MYO5B: variants seen among roughly 807,000 people sequenced by gnomAD.
MYO5B encodes unconventional myosin-Vb.
Under a neutral mutation model 229.3 loss-of-function variants are expected in MYO5B, and 143 were observed. The ratio of observed to expected loss-of-function variants is 0.62; its 90% confidence interval spans 0.54 to 0.72. MYO5B has a LOEUF of 0.72. Among genes scored for constraint, MYO5B ranks in the 30% least tolerant of loss-of-function variants. The pLI, the probability that MYO5B is intolerant of heterozygous loss-of-function variation, is 0.00. For missense variants in MYO5B, 2,321 were observed against 2,331.0 expected (o/e 1.00, Z 0.09); for synonymous variants, 918 against 885.2 (o/e 1.04, Z -0.66).
intron 4 of MYO5B, among the ~76,000 whole-genome samples, chr18:50,021,423 C>A (rs374085618): frequency 7.9e-5 from 12 of 152,196 alleles, no homozygotes; most frequent in Non-Finnish European, 5.9e-5. Context: ...TTGGCCATCA[C>A]TCTACCTCTC....
intron 4 of MYO5B, among the ~76,000 whole-genome samples, chr18:50,020,503 C>T (rs1333411976): frequency 6.6e-6 from 1 of 152,206 alleles, no homozygotes; most frequent in Non-Finnish European, 1.5e-5. Context: ...AATAGTGACC[C>T]CCTTTCTCTG....
intron 1 of MYO5B, among the ~76,000 whole-genome samples, chr18:50,142,368 C>G (rs871621): frequency 0.074 from 11,325 of 152,204 alleles, 487 homozygotes; most frequent in East Asian, 0.19. Context: ...ATGGTCATGT[C>G]CAAGTTAAAC....
At chr18:50,103,415 T>C (rs546993898) in intron 1 of MYO5B, among the ~76,000 whole-genome samples, 1 of 152,304 alleles carries the variant, frequency 6.6e-6, no homozygotes, top group Admixed American at 6.5e-5. Flanking sequence ...CTGGTGTGGG[T>C]TGGTTAAGTC....
At position 49,836,625 on chromosome 18, in the gene MYO5B, C is replaced by T. The variant is rs2023989572; in HGVS notation, c.5313+86G>A. On this transcript the variant is annotated intron_variant, in intron 38 of 39. Transcript: ENST00000285039. ...ATAAAGGGTGGGAGTGCAACACTAA[C>T]AAATAACCACCAACGAGAACAGACT... is the stretch of plus-strand genomic sequence containing the variant. The T allele has an allele frequency of 9.9e-6, 15 of 1,517,160 alleles. No individual in the cohort carries two copies. In the South Asian group the frequency reaches 1.6e-4, roughly 16 times the overall value. 94.0% of individuals were successfully genotyped at this position (1,517,160 alleles called of 1,614,324 possible). A position where few individuals can be genotyped will look rare whatever the true frequency, so the allele number is the denominator to read the frequency against.
intron 2 of MYO5B, among the ~76,000 whole-genome samples, chr18:50,042,199 T>C (rs936117475): frequency 3.9e-5 from 6 of 152,040 alleles, no homozygotes; most frequent in South Asian, 2.1e-4. Flanking sequence ...TCTCATGAAA[T>C]AATTTCACAA....
chr18:49,879,022 A>G lies in MYO5B; in HGVS notation c.3199T>C (p.Tyr1067His). Residue 1067 changes from tyrosine to histidine, a missense_variant, in exon 24 of 40, where the codon TAC (tyrosine) becomes CAC (histidine). By Grantham distance (83) the Tyr-to-His change is moderately conservative. This residue lies in a region of MYO5B where 2,113 missense variants were observed against 2,044.7 expected (regional missense o/e 1.03). Transcript: ENST00000285039. ...KKELEEERSR[Y>H]QNLVKEYSQL... ...GAATATTCCTTCACAAGGTTCTGGT[A>G]CCGGGATCGCTCCTCCTCCAGTTCT... 6.2e-7 allele frequency: 1 copy of G among 1,611,110 alleles called. No individual in the cohort carries two copies. The highest frequency in any genetic ancestry group is 8.5e-7 in the Non-Finnish European group (1 of 1,179,448).
intron 1 of MYO5B, among the ~76,000 whole-genome samples, chr18:50,142,848 T>C (rs558201977): frequency 2.0e-5 from 3 of 152,356 alleles, no homozygotes; most frequent in South Asian, 4.1e-4. Flanking sequence ...AGGCATACCA[T>C]GTGAAATCAC....
At chr18:49,934,926 G>A (rs561428024) in intron 16 of MYO5B, among the ~76,000 whole-genome samples, 8 of 152,264 alleles carry the variant, frequency 5.3e-5, no homozygotes, top group African/African-American at 1.4e-4. Context: ...TACTAGGCCC[G>A]AAACAGAAAT....
intron 1 of MYO5B, among the ~76,000 whole-genome samples, chr18:50,124,335 T>C (rs995935462): frequency 1.3e-5 from 2 of 152,214 alleles, no homozygotes; most frequent in African/African-American, 2.4e-5. Context: ...AACATGTGGC[T>C]TATTTGGTTG....
At chr18:49,916,621 G>A (rs773916036) in intron 17 of MYO5B, among the ~76,000 whole-genome samples, 2 of 152,170 alleles carry the variant, frequency 1.3e-5, no homozygotes, top group Non-Finnish European at 2.9e-5. Flanking sequence ...GAGAGGCTGA[G>A]GGGAGAGGAG....
chr18:49,917,366 G>A (rs533489775), intron 17 of MYO5B, among the ~76,000 whole-genome samples: 36 of 152,312 alleles, frequency 2.4e-4, no homozygotes, highest in African/African-American at 7.7e-4. Context: ...GGGCAGCACC[G>A]TTGGGTGTGG....
At chr18:49,981,152 G>A (rs1425918384) in intron 8 of MYO5B, among the ~76,000 whole-genome samples, 4 of 152,210 alleles carry the variant, frequency 2.6e-5, no homozygotes, top group Non-Finnish European at 5.9e-5. Flanking sequence ...CAGCAATCAC[G>A]TGTTGTCAGA....
intron 27 of MYO5B, among the ~76,000 whole-genome samples, chr18:49,864,956 C>G (rs2024379474): frequency 6.6e-6 from 1 of 152,298 alleles, no homozygotes; most frequent in South Asian, 2.1e-4. Context: ...GGAAAAATAC[C>G]TACATACAGA....
chr18:49,834,432 G>A (rs542189600), intron 39 of MYO5B, among the ~76,000 whole-genome samples: 2 of 152,280 alleles, frequency 1.3e-5, no homozygotes, highest in East Asian at 3.9e-4. Flanking sequence ...AGTGTGGCCT[G>A]TTTTCTGAAT....
chr18:50,142,808 T>C (rs1209385612), intron 1 of MYO5B, among the ~76,000 whole-genome samples: 3 of 152,196 alleles, frequency 2.0e-5, no homozygotes, highest in Non-Finnish European at 4.4e-5. Context: ...GCATTCAGGT[T>C]TGCCTCGATT....
At chr18:50,003,629 G>A (rs544196283) in intron 4 of MYO5B, among the ~76,000 whole-genome samples, 14 of 152,278 alleles carry the variant, frequency 9.2e-5, no homozygotes, top group African/African-American at 2.2e-4. Context: ...CAAGTTTGGC[G>A]TTGTACCTCT....
chr18:49,957,681 C>G (rs62098863), intron 12 of MYO5B, among the ~76,000 whole-genome samples: 1 of 79,066 alleles, frequency 1.3e-5, no homozygotes, highest in African/African-American at 6.0e-5. Context: ...ACAAAAAAAG[C>G]CAAAAAAAAA....
At chr18:50,017,550 A>G (rs1425955656) in intron 4 of MYO5B, among the ~76,000 whole-genome samples, 1 of 152,232 alleles carries the variant, frequency 6.6e-6, no homozygotes, top group African/African-American at 2.4e-5. Context: ...TTTAGCTGAT[A>G]GACATTTGGG....
At chr18:49,919,973 T>C (rs1014220131) in intron 17 of MYO5B, among the ~76,000 whole-genome samples, 4 of 152,222 alleles carry the variant, frequency 2.6e-5, no homozygotes, top group Non-Finnish European at 4.4e-5. Flanking sequence ...TGAAATAATA[T>C]TCAGCAATAT....
Sources: gnomAD v4.1 joint callset for allele counts (sites outside exome capture counted in the v4.1 genomes callset) on GRCh38, gnomAD v4.1.1 for gene constraint, gnomAD v4.1.1 regional missense constraint, MANE v1.5 for transcripts, NCBI Gene and HGNC (gene_info 2026-07-23, HGNC 2026-07-21) for gene names.